VWA8: variants seen among roughly 807,000 people sequenced by gnomAD.
VWA8 encodes von Willebrand factor A domain containing 8, also known as von Willebrand factor A domain-containing protein 8.
In VWA8, 221 loss-of-function variants were observed where a neutral mutation model predicts 241.5. The ratio of observed to expected loss-of-function variants is 0.91; its 90% confidence interval spans 0.82 to 1.02. VWA8 has a LOEUF of 1.02. Ranked by LOEUF, VWA8 falls within the 50% of genes least tolerant of loss-of-function variation. The pLI, the probability that VWA8 is intolerant of heterozygous loss-of-function variation, is 0.00. For missense variants in VWA8, 2,322 were observed against 2,328.7 expected, an observed-to-expected ratio of 1.00 and a Z score of 0.06; for synonymous variants, 852 against 827.1, an observed-to-expected ratio of 1.03 and a Z score of -0.52.
At chr13:41,723,814 A>C (rs139138641) in intron 24 of VWA8, among the ~76,000 whole-genome samples, 1 of 152,262 alleles carries the variant, frequency 6.6e-6, no homozygotes, top group East Asian at 1.9e-4. Flanking sequence ...GAAGTTCAGG[A>C]GGAAGGTCTG....
In VWA8 at chr13:41,574,382, T is replaced by C. The variant is rs564166714; in HGVS notation, c.5370+1358A>G. On this transcript the variant is annotated intron_variant, in intron 43 of 44. Transcript: ENST00000379310. ...CTTAACCAAGGAGGTGAAAGAGCTCTACAAGGAAAACTACAAAACACTGAT... is the reference window on the plus strand; with the variant it reads ...CTTAACCAAGGAGGTGAAAGAGCTCCACAAGGAAAACTACAAAACACTGAT... 4.6e-4 allele frequency among the ~76,000 whole-genome samples: 70 copies of C among 152,150 alleles called. No individual in the cohort carries two copies. The South Asian group carries it at 0.013, about 28-fold the overall frequency.
chr13:41,661,979 A>C (rs2044952833), intron 37 of VWA8, among the ~76,000 whole-genome samples: 1 of 152,172 alleles, frequency 6.6e-6, no homozygotes, highest in East Asian at 1.9e-4. Flanking sequence ...AATTTTGGAC[A>C]GTCTATTCTG....
intron 20 of VWA8, among the ~76,000 whole-genome samples, chr13:41,774,226 G>A (rs1166075341): frequency 3.9e-5 from 6 of 152,080 alleles, no homozygotes; most frequent in East Asian, 1.9e-4. Context: ...TGCAGCCTCC[G>A]TCTCCCAGGT....
At chr13:41,709,873 AT>A (rs1316155160) in intron 26 of VWA8, among the ~76,000 whole-genome samples, 2 of 150,312 alleles carry the variant, frequency 1.3e-5, no homozygotes, top group Admixed American at 1.3e-4. Flanking sequence ...CCTTGAACTT[AT>A]GGGCTCAAGG....
chr13:41,732,263 C>A, intron 21 of VWA8, 108 bp from the exon 22 acceptor site: 1 of 927,904 alleles, frequency 1.1e-6, no homozygotes, highest in Non-Finnish European at 1.6e-6. Flanking sequence ...TGTTCATCAT[C>A]CTGCTTCCCC....
chr13:41,926,702 C>T, intron 2 of VWA8: 1 of 537,452 alleles, frequency 1.9e-6, no homozygotes, highest in South Asian at 1.4e-5. Flanking sequence ...CAGCTACCAC[C>T]CAGATGGCCC....
chr13:41,780,845 G>A (rs928414473), intron 19 of VWA8, among the ~76,000 whole-genome samples: 3 of 152,074 alleles, frequency 2.0e-5, no homozygotes, highest in African/African-American at 4.8e-5. Flanking sequence ...CCATGGGCAC[G>A]ATTTAGAATA....
rs74052813 is a variant in VWA8, at chr13:41,680,062, T to C, written c.4328-4766A>G. ...ATTTTCCCATCCCCCCAAACATTCA[T>C]ATAATTTTGCTTGGATTAACATCCA... On this transcript the variant is annotated intron_variant, in intron 35 of 44. Coordinates refer to ENST00000379310, the MANE Select transcript of VWA8 (RefSeq NM_015058.2). 4.9e-3 allele frequency among the ~76,000 whole-genome samples: 743 copies of C among 152,192 alleles called. 3 individuals carry two copies. Among genetic ancestry groups the C allele is most frequent in the African/African-American group, 0.016 (667 of 41,548 alleles).
At position 41,761,147 on chromosome 13, in the gene VWA8, C is replaced by A. The variant is rs1246099147; in HGVS notation, c.2407G>T (p.Glu803Ter). Residue 803 changes from glutamate (E) to a stop codon, truncating the protein, a stop_gained, in exon 21 of 45, where the codon GAA (glutamate) becomes TAA (stop). Coordinates refer to ENST00000379310, the MANE Select transcript of VWA8 (RefSeq NM_015058.2). LOFTEE classifies it high-confidence loss of function. The stretch of plus-strand genomic sequence containing the variant: ...TCTTACCTGTGTAGCTGAATATATT[C>A]TCGGGGTCTGTTGAGCAGGTGAAGG... ...RFLHLLNRPR[E>*]YIQLHRDTTV... 2 of 1,611,622 alleles carry A rather than the reference C, an allele frequency of 1.2e-6. No individual in the cohort carries two copies. Among genetic ancestry groups the A allele is most frequent in the Non-Finnish European group, 1.7e-6 (2 of 1,178,430 alleles).
intron 32 of VWA8, among the ~76,000 whole-genome samples, chr13:41,690,861 A>G (rs995312404): frequency 7.9e-5 from 12 of 152,122 alleles, no homozygotes; most frequent in Admixed American, 2.6e-4. Context: ...AATGGGTCAG[A>G]TAACATAAAC....
rs1289961566 is a variant in VWA8, at chr13:41,885,911, T to C, written c.975+9A>G. 1 of 1,558,456 alleles carries C rather than the reference T, an allele frequency of 6.4e-7. No homozygotes were observed. Among genetic ancestry groups the C allele is most frequent in the Non-Finnish European group, 8.7e-7 (1 of 1,155,246 alleles). ...TTGGGTATGCCAGTCATTAATTTAT[T>C]TTACTTACCAAGATTTGAACCGCAG... On this transcript the variant is annotated intron_variant, in intron 8 of 44. Coordinates refer to ENST00000379310, the MANE Select transcript of VWA8 (RefSeq NM_015058.2).
chr13:41,629,417 C>T (rs900475089), intron 37 of VWA8, among the ~76,000 whole-genome samples: 3 of 152,172 alleles, frequency 2.0e-5, no homozygotes, highest in African/African-American at 7.2e-5. Context: ...AGCTTAATTA[C>T]AAGTGGCCAG....
Position 41,699,209 on chromosome 13 carries a change from A to C in VWA8, c.3426T>G (p.Asn1142Lys). 1 of 1,614,198 alleles carries C rather than the reference A, an allele frequency of 6.2e-7. No homozygotes were observed. Among genetic ancestry groups the C allele is most frequent in the Non-Finnish European group, 8.5e-7 (1 of 1,180,014 alleles). Residue 1142 changes from asparagine (N) to lysine (K), a missense_variant, in exon 29 of 45, where the codon AAT becomes AAG. Coordinates refer to ENST00000379310, the MANE Select transcript of VWA8 (RefSeq NM_015058.2). Reference sequence around the variant, plus strand: ...CAAAGAAGCCACTTTTCCCAGTCATATTCATAAAGTACAGGGAAGCGGGAT... The same window carrying C: ...CAAAGAAGCCACTTTTCCCAGTCATCTTCATAAAGTACAGGGAAGCGGGAT... The part of the protein sequence containing the change: ...TCNPASLYFM[N>K]MTGKSGFFVD...
intron 42 of VWA8, among the ~76,000 whole-genome samples, chr13:41,586,818 G>T (rs1215733612): frequency 1.3e-5 from 2 of 152,142 alleles, no homozygotes; most frequent in Admixed American, 6.5e-5. Context: ...CATTTCTCAT[G>T]ATTGAACTTT....
chr13:41,920,329 G>A (rs1876458817), intron 2 of VWA8, among the ~76,000 whole-genome samples: 1 of 152,054 alleles, frequency 6.6e-6, no homozygotes, highest in African/African-American at 2.4e-5. Flanking sequence ...TCCATGGTCA[G>A]AGCCACAGCT....
intron 21 of VWA8, among the ~76,000 whole-genome samples, chr13:41,736,917 C>A (rs897913569): frequency 6.8e-6 from 1 of 148,122 alleles, no homozygotes; most frequent in East Asian, 2.0e-4. Context: ...GATCTTGGCT[C>A]GCTGCAACCT....
At chr13:41,620,950 T>C (rs1239698930) in intron 37 of VWA8, among the ~76,000 whole-genome samples, 12 of 152,154 alleles carry the variant, frequency 7.9e-5, no homozygotes, top group Non-Finnish European at 4.4e-5. Flanking sequence ...AGCTTTGATG[T>C]GCTGTGACTG....
intron 2 of VWA8, among the ~76,000 whole-genome samples, chr13:41,941,896 T>TTA (rs769016622): frequency 1.4e-4 from 21 of 152,324 alleles, no homozygotes; most frequent in Non-Finnish European, 2.9e-4. Flanking sequence ...GCCAAAATTT[T>TTA]AAACATTAAT....
intron 12 of VWA8, among the ~76,000 whole-genome samples, chr13:41,839,202 G>A (rs1871878257): frequency 6.6e-6 from 1 of 152,286 alleles, no homozygotes; most frequent in Non-Finnish European, 1.5e-5. Flanking sequence ...ACTGGCATGA[G>A]ATAGTATCTC....
Sources: allele counts gnomAD v4.1 joint callset (sites outside exome capture counted in the v4.1 genomes callset), GRCh38; gene constraint gnomAD v4.1.1; transcripts MANE v1.5; gene names NCBI Gene and HGNC (gene_info 2026-07-23, HGNC 2026-07-21).